Variants in EPB41L2 observed in about 807,000 individuals in gnomAD.
EPB41L2 encodes erythrocyte membrane protein band 4.1 like 2.
EPB41L2 carries 43 observed loss-of-function variants against 113.0 expected under a neutral mutation model. The observed-to-expected ratio is 0.38, with a 90% CI of 0.30 to 0.49. The LOEUF (loss-of-function observed/expected upper bound fraction) is 0.49, where lower values mean the gene tolerates loss of function less well. EPB41L2 is among the 20% of genes least tolerant of loss of function. The pLI, the probability that EPB41L2 is intolerant of heterozygous loss-of-function variation, is 0.95. For synonymous variants in EPB41L2, 442 were observed against 436.7 expected, an observed-to-expected ratio of 1.01 and a Z score of -0.15; for missense variants, 1,147 against 1,223.4, an observed-to-expected ratio of 0.94 and a Z score of 0.93.
intron 1 of EPB41L2, among the ~76,000 whole-genome samples, chr6:130,986,087 A>G (rs1348324835): frequency 6.6e-6 from 1 of 152,214 alleles, no homozygotes; most frequent in Non-Finnish European, 1.5e-5. Flanking sequence ...TGGCAAACCA[A>G]ATCCAGCAGG....
intron 1 of EPB41L2, among the ~76,000 whole-genome samples, chr6:131,039,318 A>C (rs934488628): frequency 6.6e-6 from 1 of 152,316 alleles, no homozygotes; most frequent in Non-Finnish European, 1.5e-5. Context: ...TACATTTCCA[A>C]ATTTCCAATC....
At chr6:131,054,378 C>T (rs116951842) in intron 1 of EPB41L2, among the ~76,000 whole-genome samples, 1,542 of 152,240 alleles carry the variant, frequency 0.01, 12 homozygotes, top group Non-Finnish European at 0.018. Flanking sequence ...CTGCTGGTCT[C>T]TGCTAGTCTT....
At chr6:130,883,742 G>A (rs1270454863) in intron 12 of EPB41L2, among the ~76,000 whole-genome samples, 1 of 152,186 alleles carries the variant, frequency 6.6e-6, no homozygotes, top group African/African-American at 2.4e-5. Flanking sequence ...GCAATTGAAA[G>A]AAACCTTGTT....
intron 3 of EPB41L2, among the ~76,000 whole-genome samples, chr6:130,926,980 C>G (rs997357672): frequency 6.6e-6 from 1 of 152,124 alleles, no homozygotes; most frequent in African/African-American, 2.4e-5. Flanking sequence ...ACGAAAAAGG[C>G]GAAATGTTAG....
At chr6:130,878,275 G>A in intron 13 of EPB41L2, 25 bp from the exon 14 acceptor site, 2 of 1,573,338 alleles carry the variant, frequency 1.3e-6, no homozygotes, top group Non-Finnish European at 1.7e-6. Flanking sequence ...CGTAACAAAG[G>A]GGGGAAAAAT....
chr6:130,973,545 G>A (rs554255170), intron 1 of EPB41L2, among the ~76,000 whole-genome samples: 1 of 150,780 alleles, frequency 6.6e-6, no homozygotes, highest in Non-Finnish European at 1.5e-5. Context: ...TAAATCTTGA[G>A]GCCCCCAAGT....
In EPB41L2 at chr6:130,962,153, G is replaced by GA. The variant is rs1381133880; in HGVS notation, c.-14-5655dup. On this transcript the variant is annotated intron_variant, in intron 1 of 19. Coordinates refer to ENST00000337057, the MANE Select transcript of EPB41L2 (RefSeq NM_001431.4). Reference sequence around the variant, plus strand: ...CTATTTGATGCCATCAAACGTGAGGGAAAAAAAACAAATGTAGAAATGATT... The same window carrying GA: ...CTATTTGATGCCATCAAACGTGAGGGAAAAAAAAACAAATGTAGAAATGATT... Among the ~76,000 whole-genome samples the GA allele has an allele frequency of 1.9e-4, 29 of 151,604 alleles. No individual in the cohort carries two copies. The East Asian group carries it at 4.6e-3, about 24-fold the overall frequency.
At chr6:131,056,921 T>C (rs1797708494) in intron 1 of EPB41L2, among the ~76,000 whole-genome samples, 1 of 152,172 alleles carries the variant, frequency 6.6e-6, no homozygotes, top group African/African-American at 2.4e-5. Flanking sequence ...GGTAAGAATA[T>C]GAGTGGCCAG....
chr6:130,984,166 G>A (rs992172018), intron 1 of EPB41L2, among the ~76,000 whole-genome samples: 10 of 152,098 alleles, frequency 6.6e-5, no homozygotes, highest in South Asian at 6.2e-4. Context: ...TAGAAGGTCC[G>A]CAGGGGCAAT....
Position 130,956,385 on chromosome 6 carries a change from T to G in EPB41L2, c.101A>C (p.Gln34Pro), listed in dbSNP as rs147766210. 1 of 1,614,198 alleles carries G rather than the reference T, an allele frequency of 6.2e-7. No individual in the cohort carries two copies. Among genetic ancestry groups the G allele is most frequent in the Non-Finnish European group, 8.5e-7 (1 of 1,180,042 alleles). ...KEKPKEVAEN[Q>P]QNQSSDPEEE... ...CTCTGGATCGGAAGACTGATTCTGC[T>G]GATTTTCTGCTACTTCTTTAGGTTT... The change falls in exon 2 of 20, where the codon CAG becomes CCG. Residue 34 changes from glutamine to proline, a missense_variant. Coordinates refer to ENST00000337057, the MANE Select transcript of EPB41L2 (RefSeq NM_001431.4).
At chr6:131,032,190 C>A (rs1792299142) in intron 1 of EPB41L2, among the ~76,000 whole-genome samples, 1 of 151,924 alleles carries the variant, frequency 6.6e-6, no homozygotes, top group Non-Finnish European at 1.5e-5. Flanking sequence ...CTAGCCAGCA[C>A]AATAAAGTCT....
intron 19 of EPB41L2, among the ~76,000 whole-genome samples, chr6:130,841,238 G>T (rs1338915381): frequency 7.5e-6 from 1 of 132,502 alleles, no homozygotes; most frequent in Non-Finnish European, 1.7e-5. Context: ...AAAAAAAAAT[G>T]AATTAAGAAA....
intron 1 of EPB41L2, among the ~76,000 whole-genome samples, chr6:131,044,004 A>T (rs1449719479): frequency 6.7e-6 from 1 of 149,884 alleles, no homozygotes; most frequent in African/African-American, 2.5e-5. Flanking sequence ...TATATTTAAA[A>T]CTTTCTAAAT....
intron 3 of EPB41L2, among the ~76,000 whole-genome samples, chr6:130,929,927 A>G (rs542587231): frequency 6.6e-6 from 1 of 151,970 alleles, no homozygotes; most frequent in South Asian, 2.1e-4. Flanking sequence ...TGGTATAAAC[A>G]GTAGGAAAGA....
intron 7 of EPB41L2, 40 bp from the exon 8 acceptor site, chr6:130,899,618 G>A (rs1025195040): frequency 2.6e-6 from 4 of 1,563,728 alleles, no homozygotes; most frequent in Non-Finnish European, 3.5e-6. Flanking sequence ...ATTAATGGAT[G>A]CAGAGCAAAT....
At chr6:131,022,097 T>G (rs1254882014) in intron 1 of EPB41L2, among the ~76,000 whole-genome samples, 1 of 152,146 alleles carries the variant, frequency 6.6e-6, no homozygotes, top group Non-Finnish European at 1.5e-5. Flanking sequence ...TTCCTACAAC[T>G]AGGCAGTCCC....
At chr6:130,849,967 C>T (rs946578086) in intron 19 of EPB41L2, among the ~76,000 whole-genome samples, 7 of 152,132 alleles carry the variant, frequency 4.6e-5, no homozygotes, top group African/African-American at 1.7e-4. Context: ...GCAGTGGTGG[C>T]TTATGCCTGT....
intron 3 of EPB41L2, among the ~76,000 whole-genome samples, chr6:130,946,301 T>C (rs193036221): frequency 2.0e-5 from 3 of 152,308 alleles, no homozygotes; most frequent in African/African-American, 7.2e-5. Flanking sequence ...AGTTGGGCCA[T>C]TTCCATAGTA....
chr6:131,037,423 T>G (rs1793551002), intron 1 of EPB41L2, among the ~76,000 whole-genome samples: 1 of 152,010 alleles, frequency 6.6e-6, no homozygotes, highest in South Asian at 2.1e-4. Flanking sequence ...ATGATATGAC[T>G]CACTTACACA....
Sources: allele counts gnomAD v4.1 joint callset (sites outside exome capture counted in the v4.1 genomes callset), GRCh38; gene constraint gnomAD v4.1.1; transcripts MANE v1.5; gene names NCBI Gene and HGNC (gene_info 2026-07-23, HGNC 2026-07-21).